The following TMEM131L variants were observed in gnomAD, a reference collection of about 807,000 sequenced individuals.
TMEM131L encodes the protein transmembrane 131 like, also known as transmembrane protein 131-like.
TMEM131L carries 54 observed loss-of-function variants against 192.2 expected under a neutral mutation model. The ratio of observed to expected loss-of-function variants is 0.28; its 90% CI spans 0.23 to 0.35. TMEM131L has a LOEUF of 0.35. Ranked by LOEUF, TMEM131L falls within the 10% of genes least tolerant of loss-of-function variation. The pLI, the probability that TMEM131L is intolerant of heterozygous loss-of-function variation, is 1.00. For missense variants in TMEM131L, 1,888 were observed against 1,972.9 expected, an observed-to-expected ratio of 0.96 and a Z score of 0.82; for synonymous variants, 701 against 704.9, an observed-to-expected ratio of 0.99 and a Z score of 0.09.
chr4:153,577,206 A>G (rs1730010208), intron 7 of TMEM131L, among the ~76,000 whole-genome samples: 2 of 152,314 alleles, frequency 1.3e-5, no homozygotes, highest in African/African-American at 4.8e-5. Flanking sequence ...AGGTTGGAGC[A>G]TGCGCAGGGA....
chr4:153,467,141 G>A, intron 1 of TMEM131L, 70 bp from the exon 2 acceptor site: 1 of 1,444,982 alleles, frequency 6.9e-7, no homozygotes, highest in South Asian at 1.2e-5. Flanking sequence ...ACGGAGGGAC[G>A]GTAGGGGAAA....
chr4:153,500,256 C>T (rs899530388), intron 3 of TMEM131L, among the ~76,000 whole-genome samples: 6 of 152,060 alleles, frequency 3.9e-5, no homozygotes, highest in African/African-American at 1.2e-4. Flanking sequence ...TTATGCCTCC[C>T]CACCCCCAGC....
intron 7 of TMEM131L, 22 bp downstream of exon 7, chr4:153,558,390 T>A: frequency 7.1e-7 from 1 of 1,417,960 alleles, no homozygotes. Context: ...AGATTTACTT[T>A]GAATGCTGGT....
At chr4:153,469,314 G>GACACACACACACACAC (rs201245535) in intron 2 of TMEM131L, among the ~76,000 whole-genome samples, 7,874 of 148,826 alleles carry the variant, frequency 0.053, 676 homozygotes, top group African/African-American at 0.18. Flanking sequence ...GGGTAAGGGA[G>GACACACACACACACAC]ACACACACAC....
intron 1 of TMEM131L, among the ~76,000 whole-genome samples, chr4:153,466,750 G>A (rs942511595): frequency 2.0e-5 from 3 of 152,314 alleles, no homozygotes; most frequent in African/African-American, 7.2e-5. Context: ...GGGGCTTGGG[G>A]ACCGCTAGCC....
In TMEM131L at chr4:153,490,037, C is replaced by T. The variant is rs1400212473; in HGVS notation, c.239+16149C>T. ...CTTGGTGGGCCATTCTGTTGGTTTG[C>T]CAGGAGAATCCTTTTGTTATTTCCT... On this transcript the variant is annotated intron_variant, in intron 3 of 34. Transcript: ENST00000409959. Among the ~76,000 whole-genome samples, 5 of 151,814 alleles carry T rather than the reference C, an allele frequency of 3.3e-5. No individual in the cohort carries two copies. In the East Asian group the frequency reaches 9.7e-4, roughly 29 times the overall value.
At position 153,634,290 on chromosome 4, in the gene TMEM131L, C is replaced by G; in HGVS notation, c.4417+10C>G. ...AATGCCTTTCCAGAAGGTAAGGGCT[C>G]TTCAGACAATCCCAACGCCATTATT... is the stretch of plus-strand genomic sequence containing the variant. On this transcript the variant is annotated intron_variant, in intron 33 of 34. Coordinates refer to ENST00000409959, the MANE Select transcript of TMEM131L (RefSeq NM_001131007.2). 3 of 1,595,376 alleles carry G rather than the reference C, an allele frequency of 1.9e-6. No individual in the cohort carries two copies. Among genetic ancestry groups the G allele is most frequent in the South Asian group, 2.2e-5 (2 of 90,674 alleles).
chr4:153,531,652 T>C (rs1193460272), intron 3 of TMEM131L, among the ~76,000 whole-genome samples: 1 of 152,234 alleles, frequency 6.6e-6, no homozygotes, highest in Non-Finnish European at 1.5e-5. Context: ...GCTATTTTAT[T>C]GTATAAAGTG....
Position 153,602,569 on chromosome 4 carries a change from G to T in TMEM131L, c.2481G>T (p.Trp827Cys). Residue 827 changes from tryptophan (W) to cysteine (C), a missense_variant, in exon 23 of 35, where the codon TGG becomes TGT. Coordinates refer to ENST00000409959, the MANE Select transcript of TMEM131L (RefSeq NM_001131007.2). ...TCACTCCAGACTTTACCTCCTCCTG[G>T]GTAATTCGGGACCTAAGTCTTGTAA... is the stretch of plus-strand genomic sequence containing the variant. ...IVFTPDFTSS[W>C]VIRDLSLVTA... 1 of 1,614,018 alleles carries T rather than the reference G, an allele frequency of 6.2e-7. No individual in the cohort carries two copies. The highest frequency in any genetic ancestry group is 1.3e-5 in the African/African-American group (1 of 74,994).
intron 3 of TMEM131L, among the ~76,000 whole-genome samples, chr4:153,538,799 G>T (rs889613731): frequency 6.6e-6 from 1 of 152,178 alleles, no homozygotes; most frequent in Admixed American, 6.5e-5. Flanking sequence ...ATATGCAGCC[G>T]CTGGCTCCAG....
At chr4:153,524,920 A>G (rs1735365997) in intron 3 of TMEM131L, among the ~76,000 whole-genome samples, 1 of 152,122 alleles carries the variant, frequency 6.6e-6, no homozygotes, top group Admixed American at 6.5e-5. Flanking sequence ...TGTAGTTCCC[A>G]TGGGAAGGTA....
intron 3 of TMEM131L, among the ~76,000 whole-genome samples, chr4:153,541,393 T>A (rs886376399): frequency 1.3e-5 from 2 of 152,210 alleles, no homozygotes; most frequent in Non-Finnish European, 2.9e-5. Context: ...GAGGGACAGA[T>A]TTCTTTGGTT....
chr4:153,551,397 A>T (rs1295678451), intron 4 of TMEM131L, among the ~76,000 whole-genome samples: 3 of 150,284 alleles, frequency 2.0e-5, no homozygotes, highest in Non-Finnish European at 4.4e-5. Flanking sequence ...TTGCACTGTC[A>T]CTTAGGCTGG....
At chr4:153,636,006 C>T (rs1389161391) in intron 34 of TMEM131L, among the ~76,000 whole-genome samples, 4 of 152,098 alleles carry the variant, frequency 2.6e-5, no homozygotes, top group African/African-American at 4.8e-5. Flanking sequence ...CTCAGAAGCC[C>T]GATGGCTTCT....
chr4:153,564,371 C>G (rs1212493396), intron 7 of TMEM131L, among the ~76,000 whole-genome samples: 1 of 149,314 alleles, frequency 6.7e-6, no homozygotes, highest in Non-Finnish European at 1.5e-5. Flanking sequence ...TGGCACATAG[C>G]AGGTGCCATC....
rs1178320668 is a variant in TMEM131L at position 153,564,287 on chromosome 4, CAAAAAAAAAA to C, written c.660+5937_660+5946del. Among the ~76,000 whole-genome samples the C allele has an allele frequency of 2.3e-4, 4 of 17,654 alleles. 1 individual carries two copies. The highest frequency in any genetic ancestry group is 1.9e-3 in the East Asian group (1 of 526). The allele number at this position is 17,654 out of a possible 152,430, so 11.6% of individuals were successfully genotyped here. Reference sequence around the variant, plus strand: ...CTGGGAGACGAGCAAAACTCCGTCTCAAAAAAAAAAAAAAAAAAAAAAAAAAAGGCCCAAG... The same window carrying C: ...CTGGGAGACGAGCAAAACTCCGTCTCAAAAAAAAAAAAAAAAAGGCCCAAG... On this transcript the variant is annotated intron_variant, in intron 7 of 34. Coordinates refer to ENST00000409959, the MANE Select transcript of TMEM131L (RefSeq NM_001131007.2).
chr4:153,603,192 G>A, intron 23 of TMEM131L, 111 bp from the exon 24 acceptor site: 1 of 869,990 alleles, frequency 1.1e-6, no homozygotes. Flanking sequence ...TTTTAATACT[G>A]CATCTTCAGA....
chr4:153,593,716 G>GTATA, intron 18 of TMEM131L, 83 bp from the exon 19 acceptor site: 1 of 883,104 alleles, frequency 1.1e-6, no homozygotes, highest in African/African-American at 1.6e-5. Context: ...ATGTATAAAT[G>GTATA]TATATATGTG....
At chr4:153,545,361 CA>C (rs1737096188) in intron 3 of TMEM131L, among the ~76,000 whole-genome samples, 1 of 150,586 alleles carries the variant, frequency 6.6e-6, no homozygotes, top group Non-Finnish European at 1.5e-5. Context: ...GATCCCGACT[CA>C]CTGAAAGCTC....
Sources: gnomAD v4.1 joint callset for allele counts (sites outside exome capture counted in the v4.1 genomes callset) on GRCh38, gnomAD v4.1.1 for gene constraint, MANE v1.5 for transcripts, NCBI Gene and HGNC (gene_info 2026-07-23, HGNC 2026-07-21) for gene names.